STARD9: variants seen among roughly 807,000 people sequenced by gnomAD.
The protein encoded by STARD9 is StAR related lipid transfer domain containing 9, also known as stAR-related lipid transfer protein 9.
In STARD9, 346 loss-of-function variants were observed where a neutral mutation model predicts 399.8. That is an observed-to-expected ratio of 0.87 (90% CI 0.79 to 0.95). The LOEUF (loss-of-function observed/expected upper bound fraction) is 0.95. STARD9 is among the 40% of genes least tolerant of loss of function. The pLI, the probability that STARD9 is intolerant of heterozygous loss-of-function variation, is 0.00. For missense variants in STARD9, 5,832 were observed against 5,667.5 expected (o/e 1.03, Z -0.93); for synonymous variants, 2,203 against 2,143.5 (o/e 1.03, Z -0.77).
At chr15:42,655,284 A>C (rs1445268818) in intron 9 of STARD9, among the ~76,000 whole-genome samples, 1 of 152,242 alleles carries the variant, frequency 6.6e-6, no homozygotes, top group Non-Finnish European at 1.5e-5. Flanking sequence ...TTCGTCTCAA[A>C]AACAACAACA....
chr15:42,583,979 C>T (rs1325588096), intron 2 of STARD9, among the ~76,000 whole-genome samples: 1 of 152,056 alleles, frequency 6.6e-6, no homozygotes, highest in African/African-American at 2.4e-5. Flanking sequence ...ATTGGACAGA[C>T]ATTTGGAACT....
chr15:42,620,367 G>A (rs2059064019), intron 3 of STARD9, among the ~76,000 whole-genome samples: 1 of 151,614 alleles, frequency 6.6e-6, no homozygotes, highest in African/African-American at 2.4e-5. Flanking sequence ...TGTATTCCCA[G>A]CTACTCCAGA....
intron 3 of STARD9, among the ~76,000 whole-genome samples, chr15:42,602,921 T>C (rs1044087438): frequency 1.3e-5 from 2 of 152,322 alleles, no homozygotes; most frequent in South Asian, 4.1e-4. Flanking sequence ...TCAGTTTAGT[T>C]CTGGGAAGTT....
At position 42,660,584 on chromosome 15, in the gene STARD9, C is replaced by CAA. The variant is rs79069189; in HGVS notation, c.703-562_703-561dup. 1.5e-4 allele frequency among the ~76,000 whole-genome samples: 18 copies of CAA among 122,644 alleles called. No homozygotes were observed. The East Asian group carries it at 3.0e-3, about 21-fold the overall frequency. 80.5% of individuals were successfully genotyped at this position (122,644 alleles called of 152,430 possible). On this transcript the variant is annotated intron_variant, in intron 9 of 32. Coordinates refer to ENST00000290607, the MANE Select transcript of STARD9 (RefSeq NM_020759.3). ...CCGGCTCAAAAAAAAAACAGACAAA[C>CAA]AAAAAAAAAAAAACAAGAAACAAAA... is the stretch of plus-strand genomic sequence containing the variant.
intron 3 of STARD9, among the ~76,000 whole-genome samples, chr15:42,614,025 G>C (rs1268228652): frequency 6.6e-6 from 1 of 151,514 alleles, no homozygotes; most frequent in Non-Finnish European, 1.5e-5. Context: ...TAATAACAGT[G>C]TATCAGGCTG....
At chr15:42,661,029 C>A in intron 9 of STARD9, 129 bp from the exon 10 acceptor site, 1 of 615,312 alleles carries the variant, frequency 1.6e-6, no homozygotes. Flanking sequence ...TGGTTTACAT[C>A]ACATTAGAAT....
Position 42,682,433 on chromosome 15 carries a change from G to C in STARD9, c.2395G>C (p.Asp799His), listed in dbSNP as rs2060450609. Reference protein sequence around the residue: ...EKLTTLCWLQDDSTQEPPYQV... With the variant: ...EKLTTLCWLQHDSTQEPPYQV... ...GCTCACGACATTGTGCTGGCTCCAGGATGACAGCACCCAGGAGCCCCCATA... is the reference window on the plus strand; with the variant it reads ...GCTCACGACATTGTGCTGGCTCCAGCATGACAGCACCCAGGAGCCCCCATA... The change falls in exon 22 of 33, where the codon GAT (aspartate) becomes CAT (histidine). Residue 799 changes from aspartate (D) to histidine (H), a missense_variant. Coordinates refer to ENST00000290607, the MANE Select transcript of STARD9 (RefSeq NM_020759.3). 2 of 1,537,202 alleles carry C rather than the reference G, an allele frequency of 1.3e-6. No individual in the cohort carries two copies. Among genetic ancestry groups the C allele is most frequent in the Non-Finnish European group, 8.7e-7 (1 of 1,146,898 alleles).
At chr15:42,581,614 C>T in intron 1 of STARD9, 1 of 669,574 alleles carries the variant, frequency 1.5e-6, no homozygotes, top group East Asian at 2.8e-5. Context: ...CCTCTAGTTC[C>T]CTCGTCTGGC....
chr15:42,621,640 G>C (rs937371136), intron 3 of STARD9, among the ~76,000 whole-genome samples: 3 of 152,218 alleles, frequency 2.0e-5, no homozygotes, highest in Non-Finnish European at 4.4e-5. Context: ...ACAGTTGGCT[G>C]TCTGTGATTG....
chr15:42,618,918 A>T (rs1318572495), intron 3 of STARD9, among the ~76,000 whole-genome samples: 2 of 151,566 alleles, frequency 1.3e-5, no homozygotes, highest in African/African-American at 4.8e-5. Flanking sequence ...GTCCCCAGAT[A>T]TTTTTTTTAA....
Position 42,716,994 on chromosome 15 carries a change from TTCC to T in STARD9, c.13448_13450del (p.Ser4483del), listed in dbSNP as rs1357159478. The T allele has an allele frequency of 1.5e-5, 23 of 1,537,254 alleles. No individual in the cohort carries two copies. The highest frequency in any genetic ancestry group is 9.8e-5 in the Admixed American group (5 of 51,004). ...GTCTGTCCAGCTTGGGGACCTGCTT[TTCC>T]TCCTCCTACCAGGATTTGGCCAAGC... On this transcript the variant is annotated inframe_deletion, in exon 28 of 33. Coordinates refer to ENST00000290607, the MANE Select transcript of STARD9 (RefSeq NM_020759.3).
intron 20 of STARD9, among the ~76,000 whole-genome samples, chr15:42,680,416 A>G (rs2060403888): frequency 1.3e-5 from 2 of 151,984 alleles, no homozygotes; most frequent in Non-Finnish European, 2.9e-5. Flanking sequence ...CCTGGCCAAC[A>G]TGGTAAAATC....
intron 3 of STARD9, among the ~76,000 whole-genome samples, chr15:42,620,587 A>G (rs1566879845): frequency 6.6e-6 from 1 of 152,176 alleles, no homozygotes; most frequent in Non-Finnish European, 1.5e-5. Flanking sequence ...CAGCAAAAAG[A>G]TTAAGTTCAG....
intron 1 of STARD9, among the ~76,000 whole-genome samples, chr15:42,579,621 T>G (rs966231602): frequency 1.3e-5 from 2 of 151,606 alleles, no homozygotes; most frequent in African/African-American, 4.9e-5. Context: ...AAATTCAGAG[T>G]ACGATAGGAA....
Position 42,688,890 on chromosome 15 carries a change from G to A in STARD9, c.7312G>A (p.Ala2438Thr). ...IPLGTEDRISASTSPQDHGKD... is the reference protein window; with the variant it reads ...IPLGTEDRISTSTSPQDHGKD... ...TCTGGGGACAGAGGACAGGATCTCA[G>A]CAAGCACCAGCCCCCAAGACCATGG... The change falls in exon 23 of 33, where the codon GCA (alanine) becomes ACA (threonine). Residue 2438 changes from alanine (A) to threonine (T), a missense_variant. Physicochemically the swap from Ala to Thr is moderately conservative, Grantham distance 58. This residue lies in a region of STARD9 where 5,828 missense variants were observed against 5,651.1 expected (regional missense o/e 1.03). Transcript: ENST00000290607. The A allele has an allele frequency of 6.5e-7, 1 of 1,537,334 alleles. No individual in the cohort carries two copies. Among genetic ancestry groups the A allele is most frequent in the Non-Finnish European group, 8.7e-7 (1 of 1,146,922 alleles).
In STARD9 at chr15:42,717,968, T is replaced by TC; in HGVS notation, c.13560-3dup. 1 of 1,536,756 alleles carries TC rather than the reference T, an allele frequency of 6.5e-7. No homozygotes were observed. The highest frequency in any genetic ancestry group is 8.7e-7 in the Non-Finnish European group (1 of 1,146,538). ...CTTTCTATTTTCTGTGCTTGGTGTC[T>TC]CCCCCCAGCTATCAGGGTGAGGAGC... On this transcript the variant is annotated splice_polypyrimidine_tract_variant and intron_variant, in intron 29 of 32. Coordinates refer to ENST00000290607, the MANE Select transcript of STARD9 (RefSeq NM_020759.3).
At chr15:42,701,224 G>T (rs1347444334) in intron 26 of STARD9, among the ~76,000 whole-genome samples, 3 of 152,066 alleles carry the variant, frequency 2.0e-5, no homozygotes, top group African/African-American at 7.2e-5. Flanking sequence ...AATTTCTTTG[G>T]CTGTTTGGGG....
chr15:42,668,854 C>T lies in STARD9; in HGVS notation c.1318-304C>T, dbSNP rs2060152038. On this transcript the variant is annotated intron_variant, in intron 15 of 32. Coordinates refer to ENST00000290607, the MANE Select transcript of STARD9 (RefSeq NM_020759.3). Reference sequence around the variant, plus strand: ...ATCCCAATTAATTTTTAAAGAATAACTTGAAAATAACATGTTTTTTTCTAA... The same window carrying T: ...ATCCCAATTAATTTTTAAAGAATAATTTGAAAATAACATGTTTTTTTCTAA... Among the ~76,000 whole-genome samples, 4 of 152,120 alleles carry T rather than the reference C, an allele frequency of 2.6e-5. No individual in the cohort carries two copies. In the South Asian group the frequency reaches 8.3e-4, roughly 32 times the overall value.
chr15:42,581,326 C>G, intron 1 of STARD9: 1 of 1,302,126 alleles, frequency 7.7e-7, no homozygotes, highest in African/African-American at 1.5e-5. Flanking sequence ...AACTTTCTAT[C>G]ATAAATGATT....
Sources: allele counts gnomAD v4.1 joint callset (sites outside exome capture counted in the v4.1 genomes callset), GRCh38; gene constraint gnomAD v4.1.1; regional missense constraint gnomAD v4.1.1; transcripts MANE v1.5; gene names NCBI Gene and HGNC (gene_info 2026-07-23, HGNC 2026-07-21).